ZPLD1: variants seen among roughly 807,000 people sequenced by gnomAD.
ZPLD1 encodes the protein zona pellucida-like domain-containing protein 1.
ZPLD1 carries 34 observed loss-of-function variants against 47.2 expected under a neutral mutation model. The ratio of observed to expected loss-of-function variants is 0.72; its 90% confidence interval spans 0.55 to 0.96. The LOEUF is 0.96. Among genes scored for constraint, ZPLD1 ranks in the 40% least tolerant of loss-of-function variants. The pLI is 0.00. For synonymous variants in ZPLD1, 176 were observed against 186.2 expected, an observed-to-expected ratio of 0.95 and a Z score of 0.45; for missense variants, 512 against 505.8, an observed-to-expected ratio of 1.01 and a Z score of -0.12.
chr3:102,477,378 T>C (rs1576172049), intron 11 of ZPLD1, 65 bp from the exon 12 acceptor site: 1 of 1,511,110 alleles, frequency 6.6e-7, no homozygotes, highest in African/African-American at 1.4e-5. Flanking sequence ...GCAGGTAAAA[T>C]TGGGTCAAGG....
chr3:102,446,285 G>A (rs948285098), intron 3 of ZPLD1, among the ~76,000 whole-genome samples: 1 of 152,150 alleles, frequency 6.6e-6, no homozygotes, highest in Non-Finnish European at 1.5e-5. Context: ...AGAACATGAC[G>A]GGATGATTAC....
At chr3:102,445,265 G>A (rs923168584) in intron 3 of ZPLD1, among the ~76,000 whole-genome samples, 1 of 152,130 alleles carries the variant, frequency 6.6e-6, no homozygotes, top group Non-Finnish European at 1.5e-5. Context: ...TAGCCTTACC[G>A]AGCATTTTAT....
chr3:102,446,122 A>G (rs968692973), intron 3 of ZPLD1, among the ~76,000 whole-genome samples: 3 of 152,224 alleles, frequency 2.0e-5, no homozygotes, highest in African/African-American at 7.2e-5. Context: ...ATTGAAATAA[A>G]TGTATTTTAA....
chr3:102,389,635 T>G (rs969461698), intron 6 of ZPLD1, among the ~76,000 whole-genome samples: 14 of 152,232 alleles, frequency 9.2e-5, no homozygotes, highest in African/African-American at 3.4e-4. Flanking sequence ...GGCTGAATAT[T>G]GAGACATAAC....
chr3:102,403,056 T>C (rs1405259626), intron 7 of ZPLD1, among the ~76,000 whole-genome samples: 8 of 151,928 alleles, frequency 5.3e-5, no homozygotes, highest in Non-Finnish European at 1.0e-4. Context: ...CCCTACTTTA[T>C]TATTATTATT....
At chr3:102,441,086 C>T (rs1046942613) in intron 3 of ZPLD1, among the ~76,000 whole-genome samples, 3 of 151,952 alleles carry the variant, frequency 2.0e-5, no homozygotes, top group African/African-American at 4.8e-5. Flanking sequence ...TCATCAGAGT[C>T]GCTGGCGGCC....
intron 7 of ZPLD1, among the ~76,000 whole-genome samples, chr3:102,416,038 A>G (rs541211503): frequency 1.3e-5 from 2 of 152,004 alleles, no homozygotes; most frequent in East Asian, 3.9e-4. Context: ...TGATAGAAGC[A>G]TATGCTACTT....
intron 7 of ZPLD1, among the ~76,000 whole-genome samples, chr3:102,396,411 G>A (rs911434680): frequency 1.3e-5 from 2 of 152,102 alleles, no homozygotes; most frequent in African/African-American, 4.8e-5. Context: ...ACTCAGACAA[G>A]TTAATGAACA....
chr3:102,398,022 A>T (rs1339074013), intron 7 of ZPLD1, among the ~76,000 whole-genome samples: 1 of 152,144 alleles, frequency 6.6e-6, no homozygotes, highest in East Asian at 1.9e-4. Flanking sequence ...CACTTAAGAT[A>T]AATGTGTGTG....
chr3:102,420,409 G>T (rs147692688), intron 8 of ZPLD1, among the ~76,000 whole-genome samples: 2 of 151,850 alleles, frequency 1.3e-5, no homozygotes, highest in Admixed American at 1.3e-4. Context: ...AAACTTTTCC[G>T]TAAAGGGCCA....
At chr3:102,426,305 G>C (rs953898459) in intron 8 of ZPLD1, among the ~76,000 whole-genome samples, 6 of 152,048 alleles carry the variant, frequency 3.9e-5, no homozygotes, top group African/African-American at 1.4e-4. Flanking sequence ...TTCGCCTGAG[G>C]TCAGTAGTTT....
intron 7 of ZPLD1, among the ~76,000 whole-genome samples, chr3:102,463,417 A>G (rs769775705): frequency 6.6e-6 from 1 of 152,256 alleles, no homozygotes; most frequent in Non-Finnish European, 1.5e-5. Context: ...TGAACATATA[A>G]GCATCTATGT....
rs566811936 is a variant in ZPLD1, at chr3:102,412,235, A to G, written c.-156-5825A>G. On this transcript the variant is annotated intron_variant, in intron 7 of 17. Transcript: ENST00000491959. ...TAGCAACATCTAGATTGGTGTTTGA[A>G]CAAACAGCTGGGCATTATAGCCTAG... is the stretch of plus-strand genomic sequence containing the variant. 3.3e-5 allele frequency among the ~76,000 whole-genome samples: 5 copies of G among 151,928 alleles called. No individual in the cohort carries two copies. In the East Asian group the frequency reaches 9.7e-4, roughly 30 times the overall value.
At chr3:102,430,861 A>G (rs1325277314), upstream of ZPLD1, among the ~76,000 whole-genome samples, 1 of 152,198 alleles carries the variant, frequency 6.6e-6, no homozygotes, top group African/African-American at 2.4e-5. Context: ...ATTGGAGGGA[A>G]ATGAGCAATT....
chr3:102,422,342 G>A (rs2107307339), intron 8 of ZPLD1, among the ~76,000 whole-genome samples: 1 of 152,024 alleles, frequency 6.6e-6, no homozygotes, highest in East Asian at 1.9e-4. Flanking sequence ...ATGACTTGTG[G>A]GGAACTATTC....
intron 8 of ZPLD1, among the ~76,000 whole-genome samples, chr3:102,466,513 A>G (rs1707595983): frequency 6.6e-6 from 1 of 152,222 alleles, no homozygotes; most frequent in Admixed American, 6.5e-5. Flanking sequence ...ATACATTCCC[A>G]CATTAATTTT....
intron 7 of ZPLD1, among the ~76,000 whole-genome samples, chr3:102,394,148 C>T (rs1180703077): frequency 6.6e-6 from 1 of 152,128 alleles, no homozygotes; most frequent in African/African-American, 2.4e-5. Context: ...AACATTGGTT[C>T]ATAAAATGTG....
At chr3:102,399,545 A>G (rs990536494) in intron 7 of ZPLD1, among the ~76,000 whole-genome samples, 1 of 152,114 alleles carries the variant, frequency 6.6e-6, no homozygotes, top group Non-Finnish European at 1.5e-5. Context: ...CGGTCAGTAT[A>G]TGGACAGATA....
In ZPLD1 at chr3:102,443,190, G is replaced by A. The variant is rs115836812; in HGVS notation, c.106+4597G>A. ...ACAATAAACTTTATGGCTTGACACT[G>A]TCTTATGGTGAACTAAGTAGTCATG... is the stretch of plus-strand genomic sequence containing the variant. On this transcript the variant is annotated intron_variant, in intron 3 of 11. Coordinates refer to ENST00000466937, the MANE Select transcript of ZPLD1 (RefSeq NM_001329788.2). 2.4e-3 allele frequency among the ~76,000 whole-genome samples: 364 copies of A among 152,244 alleles called. 2 individuals are homozygous for A. The highest frequency in any genetic ancestry group is 8.5e-3 in the African/African-American group (353 of 41,548).
Sources: gnomAD v4.1 joint callset for allele counts (sites outside exome capture counted in the v4.1 genomes callset) on GRCh38, gnomAD v4.1.1 for gene constraint, MANE v1.5 for transcripts, NCBI Gene and HGNC (gene_info 2026-07-23, HGNC 2026-07-21) for gene names.